SEMA4D: variants seen among roughly 807,000 people sequenced by gnomAD.
SEMA4D encodes the protein semaphorin-4D.
In SEMA4D, 22 loss-of-function variants were observed where a neutral mutation model predicts 74.8. That is an observed-to-expected ratio of 0.29 (90% CI 0.21 to 0.42). SEMA4D has a LOEUF of 0.42. SEMA4D is among the 10% of genes least tolerant of loss of function. The pLI is 1.00. For synonymous variants in SEMA4D, 445 were observed against 463.7 expected (o/e 0.96, Z 0.52); for missense variants, 937 against 1,118.4 (o/e 0.84, Z 2.31).
intron 2 of SEMA4D, among the ~76,000 whole-genome samples, chr9:89,434,851 G>A (rs1360461686): frequency 6.6e-6 from 1 of 152,208 alleles, no homozygotes. Context: ...AGGGGAGGCA[G>A]GGCAGCTGGG....
intron 1 of SEMA4D, among the ~76,000 whole-genome samples, chr9:89,490,552 G>A (rs1825549268): frequency 6.6e-6 from 1 of 152,196 alleles, no homozygotes; most frequent in South Asian, 2.1e-4. Flanking sequence ...AAAAGGCTTT[G>A]TGTTAGATGA....
rs1026278603 is a variant in SEMA4D, at chr9:89,488,435, C to T, written c.-310+9484G>A. ...CTGGAGTGGCTGGAGTGCAATGGTG[C>T]GATCTCAGCTCATTGCAACCTCCGC... On this transcript the variant is annotated intron_variant, in intron 1 of 15. Coordinates refer to ENST00000422704, the MANE Select transcript of SEMA4D (RefSeq NM_001371194.2). 6.0e-4 allele frequency among the ~76,000 whole-genome samples: 74 copies of T among 123,022 alleles called. 1 individual carries two copies. Among genetic ancestry groups the T allele is most frequent in the Middle Eastern group, 6.3e-3 (1 of 158 alleles). The allele number at this position is 123,022 out of a possible 152,430, so 80.7% of individuals were successfully genotyped here.
chr9:89,462,713 G>C (rs574961498), intron 1 of SEMA4D, among the ~76,000 whole-genome samples: 8 of 151,912 alleles, frequency 5.3e-5, no homozygotes, highest in Admixed American at 4.6e-4. Flanking sequence ...AGGAGGCCAA[G>C]GCGGAAGGAT....
chr9:89,465,535 T>C (rs1211823882), intron 1 of SEMA4D, among the ~76,000 whole-genome samples: 1 of 152,212 alleles, frequency 6.6e-6, no homozygotes, highest in African/African-American at 2.4e-5. Context: ...TGGAAATGTC[T>C]TGGAGCTAGA....
Position 89,405,693 on chromosome 9 carries a change from A to AGAAATGCT in SEMA4D, c.-243-2_-238dup, listed in dbSNP as rs768541199. ...CTTGATACTTCTTCAGGGCCTCAGA[A>AGAAATGCT]GAAATGCTGGAAGGACATGAGAAAG... On this transcript the variant is annotated 5_prime_UTR_variant, in exon 3 of 16. The change abolishes the stop of an existing upstream ORF in the 5' untranslated region. Coordinates refer to ENST00000422704, the MANE Select transcript of SEMA4D (RefSeq NM_001371194.2). The AGAAATGCT allele has an allele frequency of 2.5e-5, 35 of 1,405,050 alleles. No individual in the cohort carries two copies. Among genetic ancestry groups the AGAAATGCT allele is most frequent in the Non-Finnish European group, 3.1e-5 (34 of 1,083,320 alleles). The allele number at this position is 1,405,050 out of a possible 1,614,324, so 87.0% of individuals were successfully genotyped here.
intron 2 of SEMA4D, among the ~76,000 whole-genome samples, chr9:89,408,350 G>A (rs984039110): frequency 5.3e-5 from 8 of 152,150 alleles, no homozygotes; most frequent in Admixed American, 2.6e-4. Flanking sequence ...TGCCCCTCCA[G>A]GGTCCTGCTG....
chr9:89,458,011 C>G (rs570175545), intron 1 of SEMA4D, among the ~76,000 whole-genome samples: 2 of 152,144 alleles, frequency 1.3e-5, no homozygotes, highest in Admixed American at 1.3e-4. Flanking sequence ...CCAGCCTGGT[C>G]GATAGAGCGA....
intron 5 of SEMA4D, among the ~76,000 whole-genome samples, chr9:89,397,914 G>A (rs923087611): frequency 6.6e-5 from 10 of 152,280 alleles, no homozygotes; most frequent in South Asian, 2.1e-4. Flanking sequence ...AGCTGCAGAC[G>A]GGAATGAGTA....
At chr9:89,392,648 C>T in intron 7 of SEMA4D, 112 bp from the exon 8 acceptor site, 2 of 691,226 alleles carry the variant, frequency 2.9e-6, no homozygotes, top group Non-Finnish European at 2.6e-6. Flanking sequence ...AATTAAGTCC[C>T]TGCCTGGGGA....
intron 1 of SEMA4D, among the ~76,000 whole-genome samples, chr9:89,469,870 A>T (rs998320309): frequency 6.6e-6 from 1 of 152,202 alleles, no homozygotes; most frequent in African/African-American, 2.4e-5. Flanking sequence ...TGCTCTCACT[A>T]CTTCTCAACA....
chr9:89,386,753 C>T (rs1222156009), intron 12 of SEMA4D: 5 of 353,028 alleles, frequency 1.4e-5, no homozygotes, highest in African/African-American at 4.2e-5. Flanking sequence ...CACCAACAGT[C>T]GACATTACAC....
At chr9:89,411,306 G>C (rs979487490) in intron 2 of SEMA4D, among the ~76,000 whole-genome samples, 1 of 152,160 alleles carries the variant, frequency 6.6e-6, no homozygotes, top group Non-Finnish European at 1.5e-5. Context: ...TGTAACCAGA[G>C]TGTACTTATC....
intron 12 of SEMA4D, 83 bp from the exon 13 acceptor site, chr9:89,386,565 T>C: frequency 1.3e-6 from 1 of 790,192 alleles, no homozygotes; most frequent in East Asian, 2.5e-5. Flanking sequence ...AACTTCACAC[T>C]CTTCACTCTC....
At chr9:89,411,122 A>G (rs1844439879) in intron 2 of SEMA4D, among the ~76,000 whole-genome samples, 1 of 152,202 alleles carries the variant, frequency 6.6e-6, no homozygotes, top group Non-Finnish European at 1.5e-5. Flanking sequence ...CAGAGGCTCC[A>G]ATGGGGCGGG....
intron 1 of SEMA4D, among the ~76,000 whole-genome samples, chr9:89,456,328 G>C (rs1473802999): frequency 6.6e-6 from 1 of 152,224 alleles, no homozygotes; most frequent in Non-Finnish European, 1.5e-5. Flanking sequence ...GCCAGGGTGG[G>C]CCAAGGCCTA....
At chr9:89,474,641 C>T (rs1861313732) in intron 1 of SEMA4D, among the ~76,000 whole-genome samples, 1 of 152,152 alleles carries the variant, frequency 6.6e-6, no homozygotes, top group African/African-American at 2.4e-5. Context: ...AGGACAAGGG[C>T]TAAAACATGA....
intron 2 of SEMA4D, among the ~76,000 whole-genome samples, chr9:89,437,308 C>T (rs1157849231): frequency 2.0e-5 from 3 of 152,208 alleles, no homozygotes; most frequent in South Asian, 2.1e-4. Flanking sequence ...CCTCCCACAG[C>T]GGCAGGCACC....
chr9:89,421,673 G>T (rs1159243241), intron 2 of SEMA4D, among the ~76,000 whole-genome samples: 1 of 152,218 alleles, frequency 6.6e-6, no homozygotes, highest in Non-Finnish European at 1.5e-5. Context: ...GGAATACTAT[G>T]CAACTGTTAA....
chr9:89,495,577 T>C (rs1825943568), intron 1 of SEMA4D, among the ~76,000 whole-genome samples: 1 of 152,190 alleles, frequency 6.6e-6, no homozygotes, highest in South Asian at 2.1e-4. Flanking sequence ...CTTCTAGTCT[T>C]CTTCCTGGAA....
Sources: allele counts gnomAD v4.1 joint callset (sites outside exome capture counted in the v4.1 genomes callset), GRCh38; gene constraint gnomAD v4.1.1; transcripts MANE v1.5; gene names NCBI Gene and HGNC (gene_info 2026-07-23, HGNC 2026-07-21).